The following PHACTR2 variants were observed in gnomAD, a reference collection of about 807,000 sequenced individuals.
PHACTR2 encodes the protein chromosome 6 open reading frame 56.
Under a neutral mutation model 76.0 loss-of-function variants are expected in PHACTR2, and 30 were observed. That is an observed-to-expected ratio of 0.39 (90% CI 0.30 to 0.54). The LOEUF is 0.54. PHACTR2 is among the 20% of genes least tolerant of loss of function. The pLI, the probability that PHACTR2 is intolerant of heterozygous loss-of-function variation, is 0.61. For missense variants in PHACTR2, 696 were observed against 781.1 expected (o/e 0.89, Z 1.30); for synonymous variants, 292 against 292.5 (o/e 1.00, Z 0.02).
At chr6:143,796,533 G>T (rs1216744224) in intron 11 of PHACTR2, among the ~76,000 whole-genome samples, 1 of 151,902 alleles carries the variant, frequency 6.6e-6, no homozygotes, top group Non-Finnish European at 1.5e-5. Flanking sequence ...CCTACATTAG[G>T]TATTTCTCCT....
rs1776145455 is a variant in PHACTR2 at position 143,621,099 on chromosome 6, T to A, written c.13+12777T>A. On this transcript the variant is annotated intron_variant, in intron 1 of 11. Coordinates refer to the PHACTR2 transcript ENST00000305766. The surrounding 1 kb of genome is among the most constrained non-coding windows in gnomAD (Gnocchi z 4.1). The stretch of plus-strand genomic sequence containing the variant: ...CTCCAGGAAAAGAACAAGAGCAGGA[T>A]CATTAAAGAAGCCTTAGCATTTTCA... 6.6e-6 allele frequency among the ~76,000 whole-genome samples: 1 copy of A among 152,088 alleles called. No homozygotes were observed. The highest frequency in any genetic ancestry group is 6.6e-5 in the Admixed American group (1 of 15,264).
intron 1 of PHACTR2, among the ~76,000 whole-genome samples, chr6:143,661,498 A>T (rs1292707567): frequency 8.6e-5 from 13 of 152,040 alleles, no homozygotes; most frequent in Admixed American, 7.2e-4. Context: ...CAAATAAAAT[A>T]AAAAAGCTTT....
rs1302151017 is a variant in PHACTR2 at position 143,818,764 on chromosome 6, C to G, written c.1923-4910C>G. On this transcript the variant is annotated intron_variant, in intron 12 of 12. Coordinates refer to ENST00000440869, the MANE Select transcript of PHACTR2 (RefSeq NM_001100164.2). The surrounding 1 kb of genome is among the most constrained non-coding windows in gnomAD (Gnocchi z 4.9). ...CACGAGAACAGCATGGGGGAAACCACTCGCCTGATTCAATTACCTCCCACC... is the reference window on the plus strand; with the variant it reads ...CACGAGAACAGCATGGGGGAAACCAGTCGCCTGATTCAATTACCTCCCACC... Among the ~76,000 whole-genome samples, 2 of 152,112 alleles carry G rather than the reference C, an allele frequency of 1.3e-5. No homozygotes were observed. Among genetic ancestry groups the G allele is most frequent in the Non-Finnish European group, 2.9e-5 (2 of 68,036 alleles).
At chr6:143,685,551 G>T (rs867621532) in intron 1 of PHACTR2, among the ~76,000 whole-genome samples, 2 of 152,104 alleles carry the variant, frequency 1.3e-5, no homozygotes, top group South Asian at 2.1e-4. Context: ...TTCATCCGGG[G>T]TAACTAATAT....
intron 1 of PHACTR2, among the ~76,000 whole-genome samples, chr6:143,559,304 GA>G (rs1306332939): frequency 6.6e-6 from 1 of 152,208 alleles, no homozygotes; most frequent in African/African-American, 2.4e-5. Context: ...AGGCTATTAA[GA>G]ATTCAGAGGC....
At chr6:143,636,152 T>A (rs1776449075) in intron 1 of PHACTR2, among the ~76,000 whole-genome samples, 1 of 151,600 alleles carries the variant, frequency 6.6e-6, no homozygotes, top group Non-Finnish European at 1.5e-5. Context: ...AGGCAGAGGT[T>A]GCAGTGAGCT....
rs1451070770 is a variant in PHACTR2, at chr6:143,819,692, G to T, written c.1923-3982G>T. On this transcript the variant is annotated intron_variant, in intron 12 of 12. Coordinates refer to ENST00000440869, the MANE Select transcript of PHACTR2 (RefSeq NM_001100164.2). The surrounding 1 kb of genome is among the most constrained non-coding windows in gnomAD (Gnocchi z 5.0). ...GTATCCCAGCTCCAGTAGATAGATT[G>T]ACATAGTCTCCTTTTCTCTGTTTTT... Among the ~76,000 whole-genome samples, 5 of 152,100 alleles carry T rather than the reference G, an allele frequency of 3.3e-5. No individual in the cohort carries two copies. Among genetic ancestry groups the T allele is most frequent in the African/African-American group, 1.2e-4 (5 of 41,418 alleles).
Position 143,738,137 on chromosome 6 carries a change from C to T in PHACTR2, c.215-10848C>T, listed in dbSNP as rs59283655. Among the ~76,000 whole-genome samples the T allele has an allele frequency of 0.056, 8,452 of 152,180 alleles. 766 individuals carry two copies. The highest frequency in any genetic ancestry group is 0.19 in the African/African-American group (7,976 of 41,482). ...TAAAGATTATACATTTTTGGCCAGGCGCTGTGGCCCACGCCTGTAATCCTA... is the reference window on the plus strand; with the variant it reads ...TAAAGATTATACATTTTTGGCCAGGTGCTGTGGCCCACGCCTGTAATCCTA... On this transcript the variant is annotated intron_variant, in intron 2 of 12. Coordinates refer to ENST00000440869, the MANE Select transcript of PHACTR2 (RefSeq NM_001100164.2). This position sits in a 1 kb window ranked among gnomAD's most constrained non-coding sequence, Gnocchi z 4.0.
In PHACTR2 at chr6:143,548,338, T is replaced by G; in HGVS notation, c.217+11131T>G. ...ATGTTAGGGGATAGGGTTCTAATGT[T>G]TGGATTTTGAAGGGATATAAGCATT... On this transcript the variant is annotated intron_variant, in intron 1 of 11. Coordinates refer to the PHACTR2 transcript ENST00000367584. This position sits in a 1 kb window ranked among gnomAD's most constrained non-coding sequence, Gnocchi z 4.5. Among the ~76,000 whole-genome samples the G allele has an allele frequency of 1.3e-5, 2 of 150,348 alleles. 1 individual carries two copies. The highest frequency in any genetic ancestry group is 1.3e-4 in the Admixed American group (2 of 15,120).
chr6:143,763,971 A>G (rs1779496772), intron 5 of PHACTR2, among the ~76,000 whole-genome samples: 1 of 152,246 alleles, frequency 6.6e-6, no homozygotes. Context: ...GTCATGAAAG[A>G]AAAGAGTATT....
chr6:143,802,713 T>C (rs1197176333), intron 11 of PHACTR2, among the ~76,000 whole-genome samples: 1 of 150,534 alleles, frequency 6.6e-6, no homozygotes, highest in Non-Finnish European at 1.5e-5. Flanking sequence ...TAAAACCTGG[T>C]CTCCTTTGCA....
At position 143,698,189 on chromosome 6, in the gene PHACTR2, T is replaced by TC. The variant is rs1777814826; in HGVS notation, c.47-13826dup. On this transcript the variant is annotated intron_variant, in intron 1 of 12. Transcript: ENST00000440869. The surrounding 1 kb of genome is among the most constrained non-coding windows in gnomAD (Gnocchi z 4.3). ...GTGCTCTAATTGGATTCAGAGGCTT[T>TC]CTGTGTGTGTTTTATCCAAATCCTG... 1.3e-5 allele frequency among the ~76,000 whole-genome samples: 2 copies of TC among 152,184 alleles called. No individual in the cohort carries two copies. Among genetic ancestry groups the TC allele is most frequent in the African/African-American group, 2.4e-5 (1 of 41,438 alleles).
Position 143,731,019 on chromosome 6 carries a change from A to ATTAC in PHACTR2, c.215-17965_215-17962dup, listed in dbSNP as rs1562285582. Among the ~76,000 whole-genome samples the ATTAC allele has an allele frequency of 6.6e-6, 1 of 151,972 alleles. No individual in the cohort carries two copies. The highest frequency in any genetic ancestry group is 2.4e-5 in the African/African-American group (1 of 41,242). ...TGCCTCAGCCTTCAAAAGTGCTGAGATTACAGGCGTGAGCCACCACGTCCA... is the reference window on the plus strand; with the variant it reads ...TGCCTCAGCCTTCAAAAGTGCTGAGATTACTTACAGGCGTGAGCCACCACGTCCA... On this transcript the variant is annotated intron_variant, in intron 2 of 12. Transcript: ENST00000440869. The surrounding 1 kb of genome is among the most constrained non-coding windows in gnomAD (Gnocchi z 4.9).
rs1170149091 is a variant in PHACTR2, at chr6:143,760,256, C to T, written c.455-145C>T. On this transcript the variant is annotated intron_variant, in intron 4 of 12. Transcript: ENST00000440869. The surrounding 1 kb of genome is among the most constrained non-coding windows in gnomAD (Gnocchi z 6.4). ...TTTCAGCCTTTGTTTTCACCCTAAACTGTGCTCTGTCTGGTGCAGAACTCC... is the reference window on the plus strand; with the variant it reads ...TTTCAGCCTTTGTTTTCACCCTAAATTGTGCTCTGTCTGGTGCAGAACTCC... 2.9e-6 allele frequency: 2 copies of T among 686,792 alleles called. No individual in the cohort carries two copies. The highest frequency in any genetic ancestry group is 3.6e-5 in the African/African-American group (2 of 55,304). The allele number at this position is 686,792 out of a possible 1,614,324, so 42.5% of individuals were successfully genotyped here.
rs1775313418 is a variant in PHACTR2, at chr6:143,777,632, T to C, written c.1645+249T>C. On this transcript the variant is annotated intron_variant, in intron 9 of 12. Transcript: ENST00000440869. The surrounding 1 kb of genome is among the most constrained non-coding windows in gnomAD (Gnocchi z 4.6). Reference sequence around the variant, plus strand: ...CAGAGTCATGGTCATGACAATTGTGTTTAAGAAAGATGAAATATATTCCAT... The same window carrying C: ...CAGAGTCATGGTCATGACAATTGTGCTTAAGAAAGATGAAATATATTCCAT... Among the ~76,000 whole-genome samples the C allele has an allele frequency of 6.6e-6, 1 of 152,166 alleles. No homozygotes were observed.
intron 9 of PHACTR2, among the ~76,000 whole-genome samples, chr6:143,779,423 C>T (rs1775364706): frequency 6.6e-6 from 1 of 151,258 alleles, no homozygotes; most frequent in African/African-American, 2.4e-5. Flanking sequence ...TATCTCGGCT[C>T]ACTGCAACCC....
At chr6:143,655,153 G>A (rs1419370130) in intron 1 of PHACTR2, among the ~76,000 whole-genome samples, 4 of 107,068 alleles carry the variant, frequency 3.7e-5, no homozygotes, top group Admixed American at 2.2e-4. Context: ...GTGAAACTCC[G>A]TCTCAAAAAA....
intron 1 of PHACTR2, among the ~76,000 whole-genome samples, chr6:143,692,110 C>A (rs1265093021): frequency 1.3e-5 from 2 of 152,100 alleles, no homozygotes; most frequent in Admixed American, 1.3e-4. Context: ...CTGTTCGTTG[C>A]CTAAGGTGTT....
chr6:143,700,140 G>A lies in PHACTR2; in HGVS notation c.47-11876G>A, dbSNP rs185620475. Among the ~76,000 whole-genome samples the A allele has an allele frequency of 7.6e-4, 115 of 152,154 alleles. 1 individual carries two copies. Among genetic ancestry groups the A allele is most frequent in the East Asian group, 1.9e-4 (1 of 5,188 alleles). On this transcript the variant is annotated intron_variant, in intron 1 of 12. Coordinates refer to ENST00000440869, the MANE Select transcript of PHACTR2 (RefSeq NM_001100164.2). The surrounding 1 kb of genome is among the most constrained non-coding windows in gnomAD (Gnocchi z 4.1). ...GCTTTTATTTATCCACCAGCCTTTC[G>A]ACTTAAATATATTGGTCTAGATTTA...
Sources: allele counts gnomAD v4.1 joint callset (sites outside exome capture counted in the v4.1 genomes callset), GRCh38; gene constraint gnomAD v4.1.1; non-coding constraint Gnocchi (gnomAD v3.1); transcripts MANE v1.5; gene names NCBI Gene and HGNC (gene_info 2026-07-23, HGNC 2026-07-21).